Variants in DPY30 observed in about 807,000 individuals in gnomAD.
The protein encoded by DPY30 is protein dpy-30 homolog.
In DPY30, 6 loss-of-function variants were observed where a neutral mutation model predicts 16.2. That is an observed-to-expected ratio of 0.37 (90% confidence interval 0.20 to 0.73). DPY30 has a LOEUF of 0.73. Among genes scored for constraint, DPY30 ranks in the 30% least tolerant of loss-of-function variants. DPY30 has a pLI of 0.51. For synonymous variants in DPY30, 39 were observed against 38.8 expected (o/e 1.00, Z -0.02); for missense variants, 73 against 113.1 (o/e 0.65, Z 1.61).
At chr2:32,016,448 A>C (rs977310718) in intron 5 of DPY30, among the ~76,000 whole-genome samples, 2 of 152,208 alleles carry the variant, frequency 1.3e-5, no homozygotes, top group African/African-American at 4.8e-5. Flanking sequence ...CCAGTCCAGG[A>C]AAATACCTGG....
chr2:32,022,547 TCA>T (rs2148654545), downstream of DPY30, among the ~76,000 whole-genome samples: 1 of 152,050 alleles, frequency 6.6e-6, no homozygotes, highest in South Asian at 2.1e-4. Flanking sequence ...TGAGACAGTC[TCA>T]CTCTGTCGCC....
intron 3 of DPY30, among the ~76,000 whole-genome samples, chr2:32,036,241 G>A (rs979771637): frequency 6.6e-5 from 10 of 151,840 alleles, no homozygotes; most frequent in Admixed American, 2.0e-4. Flanking sequence ...GCCTCCCAAC[G>A]GGCTGGGATT....
downstream of DPY30, among the ~76,000 whole-genome samples, chr2:32,018,911 A>G (rs1246165402): frequency 6.6e-6 from 1 of 151,802 alleles, no homozygotes; most frequent in Non-Finnish European, 1.5e-5. Context: ...CTGTAGTCCC[A>G]GCTACTCAGG....
rs919721234 is a variant in DPY30 at position 32,031,602 on chromosome 2, G to A, written c.85-1866C>T. 5.1e-5 allele frequency among the ~76,000 whole-genome samples: 7 copies of A among 137,984 alleles called. No individual in the cohort carries two copies. The East Asian group carries it at 1.4e-3, about 27-fold the overall frequency. 90.5% of individuals were successfully genotyped at this position (137,984 alleles called of 152,430 possible). On this transcript the variant is annotated intron_variant, in intron 3 of 4. Transcript: ENST00000342166. ...ACACAGCAAGATTCCGTCTCAAAAC[G>A]AAAAAACAAAGGCCGGGCACGGTGG...
At chr2:32,023,528 C>G (rs1302709664), downstream of DPY30, 2 of 489,016 alleles carry the variant, frequency 4.1e-6, no homozygotes, top group African/African-American at 4.0e-5. Context: ...TATCAGAGAT[C>G]ATTTAAGTAA....
chr2:32,027,822 G>A (rs1055970129), intron 4 of DPY30, among the ~76,000 whole-genome samples: 1 of 151,770 alleles, frequency 6.6e-6, no homozygotes, highest in African/African-American at 2.4e-5. Context: ...TAGAGACAGG[G>A]TTTCACTGCA....
At chr2:32,019,455 G>A (rs552027249), downstream of DPY30, among the ~76,000 whole-genome samples, 2 of 152,102 alleles carry the variant, frequency 1.3e-5, no homozygotes, top group African/African-American at 4.8e-5. Context: ...AGATTTCAGT[G>A]AGTCAAGATC....
chr2:32,026,438 T>A (rs1040473937), intron 4 of DPY30, among the ~76,000 whole-genome samples: 1 of 151,966 alleles, frequency 6.6e-6, no homozygotes, highest in East Asian at 1.9e-4. Context: ...AAAAATTTTT[T>A]AAATGTATTT....
chr2:32,036,533 A>G (rs190291300), intron 3 of DPY30, among the ~76,000 whole-genome samples: 2,746 of 152,086 alleles, frequency 0.018, 35 homozygotes, highest in Middle Eastern at 0.027. Flanking sequence ...TTAGCCGGGC[A>G]TGGTGGCGGC....
At chr2:32,034,581 G>A (rs971846580) in intron 3 of DPY30, among the ~76,000 whole-genome samples, 4 of 152,146 alleles carry the variant, frequency 2.6e-5, no homozygotes, top group African/African-American at 9.7e-5. Flanking sequence ...CCAACACTGG[G>A]GGTCACATTT....
intron 3 of DPY30, among the ~76,000 whole-genome samples, chr2:32,030,407 G>C (rs1451127237): frequency 6.6e-6 from 1 of 152,100 alleles, no homozygotes; most frequent in East Asian, 1.9e-4. Context: ...GAGGCGGGCA[G>C]ATCACGAGAT....
intron 3 of DPY30, among the ~76,000 whole-genome samples, chr2:32,030,177 G>A (rs1382140880): frequency 1.3e-5 from 2 of 151,810 alleles, no homozygotes; most frequent in African/African-American, 2.4e-5. Flanking sequence ...ATACACTCAA[G>A]AGAATACAGC....
chr2:32,012,930 A>G (rs1325319868), intron 5 of DPY30: 3 of 152,164 alleles, frequency 2.0e-5, no homozygotes, highest in Non-Finnish European at 4.4e-5. Flanking sequence ...TTTTGTTTCT[A>G]TGGAAAAGAG....
chr2:32,032,210 T>C (rs960867401), intron 3 of DPY30, among the ~76,000 whole-genome samples: 1 of 152,204 alleles, frequency 6.6e-6, no homozygotes, highest in Non-Finnish European at 1.5e-5. Context: ...TAAAAGATAA[T>C]TTTCTATGAA....
At position 32,039,244 on chromosome 2, in the gene DPY30, C is replaced by G. The variant is rs748457576; in HGVS notation, c.84+35G>C. 7.4e-6 allele frequency: 12 copies of G among 1,613,952 alleles called. No homozygotes were observed. The South Asian group carries it at 1.2e-4, about 16-fold the overall frequency. On this transcript the variant is annotated intron_variant, in intron 3 of 4. Coordinates refer to ENST00000342166, the MANE Select transcript of DPY30 (RefSeq NM_001321209.2). ...CAAGTTTTCTCCAGCTTGCAAGAGA[C>G]AACACAGATGAGGCATAGGAACTTG...
At position 32,029,517 on chromosome 2, in the gene DPY30, C is replaced by T. The variant is rs571724570; in HGVS notation, c.227+77G>A. ...AATCACACAGTAAAAAGTCGCTATA[C>T]ATAACTATGATATTTCAGATAGGGG... On this transcript the variant is annotated intron_variant, in intron 4 of 4. Transcript: ENST00000342166. The T allele has an allele frequency of 3.9e-6, 6 of 1,550,784 alleles. No homozygotes were observed. The Admixed American group carries it at 8.9e-5, about 23-fold the overall frequency.
chr2:32,039,667 G>C (rs746798820), intron 1 of DPY30, 66 bp downstream of exon 1: 20 of 618,708 alleles, frequency 3.2e-5, no homozygotes, highest in Admixed American at 5.7e-5. Flanking sequence ...CATGGGGTCT[G>C]GAAACTCTAC....
At position 32,039,296 on chromosome 2, in the gene DPY30, G is replaced by C. The variant is rs767672427; in HGVS notation, c.67C>G (p.Leu23Val). 8.7e-6 allele frequency: 14 copies of C among 1,614,020 alleles called. 1 individual carries two copies. In the Admixed American group the frequency reaches 2.0e-4, roughly 23 times the overall value. ...VAENPHSEYG[L>V]TDNVERIVEN... Reference sequence around the variant, plus strand: ...CGAGTTACCTCAACGTTGTCTGTGAGACCGTACTCAGAGTGAGGATTTTCT... The same window carrying C: ...CGAGTTACCTCAACGTTGTCTGTGACACCGTACTCAGAGTGAGGATTTTCT... The change falls in exon 3 of 5, where the codon CTC (leucine) becomes GTC (valine). Residue 23 changes from leucine to valine, a missense_variant. By Grantham distance (32) the Leu-to-Val change is conservative. Transcript: ENST00000342166.
At chr2:32,038,432 G>GGGA (rs1675836939) in intron 3 of DPY30, among the ~76,000 whole-genome samples, 6 of 88,604 alleles carry the variant, frequency 6.8e-5, no homozygotes, top group Non-Finnish European at 8.6e-5. Context: ...CGGGGGGAGG[G>GGGA]AAATAGGGAC....
Sources: gnomAD v4.1 joint callset for allele counts (sites outside exome capture counted in the v4.1 genomes callset) on GRCh38, gnomAD v4.1.1 for gene constraint, MANE v1.5 for transcripts, NCBI Gene and HGNC (gene_info 2026-07-23, HGNC 2026-07-21) for gene names.